The following SLC9B2 variants were observed in gnomAD, a reference collection of about 807,000 sequenced individuals.
The protein encoded by SLC9B2 is sodium/hydrogen exchanger 9B2.
SLC9B2 carries 39 observed loss-of-function variants against 52.2 expected under a neutral mutation model. The observed-to-expected ratio is 0.75, with a 90% CI of 0.58 to 0.98. SLC9B2 has a LOEUF of 0.98. SLC9B2 is among the 50% of genes least tolerant of loss of function. The pLI is 0.00. For missense variants in SLC9B2, 626 were observed against 637.5 expected (o/e 0.98, Z 0.19); for synonymous variants, 214 against 227.0 (o/e 0.94, Z 0.51).
At chr4:103,057,295 T>TACAC (rs1296309566) in intron 4 of SLC9B2, among the ~76,000 whole-genome samples, 6 of 146,014 alleles carry the variant, frequency 4.1e-5, no homozygotes, top group African/African-American at 1.0e-4. Flanking sequence ...CACACATATA[T>TACAC]ACACACACAC....
At chr4:103,072,205 C>T (rs1211656576) in intron 1 of SLC9B2, among the ~76,000 whole-genome samples, 1 of 151,778 alleles carries the variant, frequency 6.6e-6, no homozygotes, top group Non-Finnish European at 1.5e-5. Context: ...ATTAAAGGTG[C>T]CGGCCACCAT....
At chr4:103,077,122 T>C (rs996620275), upstream of SLC9B2, 1 of 152,236 alleles carries the variant, frequency 6.6e-6, no homozygotes, top group Non-Finnish European at 1.5e-5. Flanking sequence ...TCCTCTTGTG[T>C]GTGTTAAGAC....
At chr4:103,045,925 G>A (rs1275974087) in intron 7 of SLC9B2, among the ~76,000 whole-genome samples, 1 of 152,182 alleles carries the variant, frequency 6.6e-6, no homozygotes, top group Non-Finnish European at 1.5e-5. Flanking sequence ...AAAGTGGTAA[G>A]AACATAAATT....
At chr4:103,019,691 T>C, downstream of SLC9B2, 1 of 985,038 alleles carries the variant, frequency 1.0e-6, no homozygotes, top group Non-Finnish European at 1.2e-6. Flanking sequence ...GTGGGCAGGG[T>C]GGTGACGCGA....
chr4:103,021,155 C>T (rs1741766032), downstream of SLC9B2, among the ~76,000 whole-genome samples: 1 of 130,226 alleles, frequency 7.7e-6, no homozygotes, highest in Non-Finnish European at 1.7e-5. Context: ...GAAGGAAGAC[C>T]TTTGCTAGGA....
intron 4 of SLC9B2, among the ~76,000 whole-genome samples, chr4:103,057,299 C>G (rs890727925): frequency 6.7e-6 from 1 of 148,810 alleles, no homozygotes; most frequent in Non-Finnish European, 1.5e-5. Flanking sequence ...CATATATACA[C>G]ACACACACAC....
chr4:103,044,224 T>A (rs2110604120), intron 8 of SLC9B2, among the ~76,000 whole-genome samples: 1 of 152,344 alleles, frequency 6.6e-6, no homozygotes, highest in East Asian at 1.9e-4. Flanking sequence ...AATTTCCTTA[T>A]CAGTAAAATG....
chr4:103,059,788 T>A (rs754930837), intron 3 of SLC9B2, among the ~76,000 whole-genome samples: 1 of 152,208 alleles, frequency 6.6e-6, no homozygotes, highest in Non-Finnish European at 1.5e-5. Context: ...ATTCATGACA[T>A]AGAAACACTC....
In SLC9B2 at chr4:103,026,435, G is replaced by A. The variant is rs747080792; in HGVS notation, c.1549C>T (p.Leu517=). The change falls in exon 12 of 12, where the codon CTG becomes TTG. Residue 517 remains leucine (L), a synonymous_variant. Coordinates refer to ENST00000394785, the MANE Select transcript of SLC9B2 (RefSeq NM_178833.7). The stretch of plus-strand genomic sequence containing the variant: ...TTATTTTGATGTTCAACTTTCTGCA[G>A]AAGCCTGGGGCCCAGTAAACCAATA... ...LLIGLLGPRL[L]QKVEHQNKDE... 1.2e-6 allele frequency: 2 copies of A among 1,613,806 alleles called. No individual in the cohort carries two copies. Among genetic ancestry groups the A allele is most frequent in the South Asian group, 2.2e-5 (2 of 91,034 alleles).
At position 103,024,557 on chromosome 4, in the gene SLC9B2, T is replaced by C. The variant is rs1742043634; in HGVS notation, c.*1813A>G. 6.6e-6 allele frequency among the ~76,000 whole-genome samples: 1 copy of C among 152,166 alleles called. No individual in the cohort carries two copies. Among genetic ancestry groups the C allele is most frequent in the East Asian group, 1.9e-4 (1 of 5,194 alleles). ...AACAGAAGTCTAATGAAGAGAGGAA[T>C]GGACAGGCTTTATTTATGCAGATCA... On this transcript the variant is annotated 3_prime_UTR_variant, in exon 12 of 12. Transcript: ENST00000394785.
At chr4:103,070,626 G>C (rs1236483975) in intron 1 of SLC9B2, among the ~76,000 whole-genome samples, 2 of 152,132 alleles carry the variant, frequency 1.3e-5, no homozygotes, top group African/African-American at 4.8e-5. Context: ...ATTTTTAGTA[G>C]AGATGGGTTT....
chr4:103,076,551 G>C lies in SLC9B2; in HGVS notation c.-410C>G, dbSNP rs1308856384. 6.6e-6 allele frequency: 1 copy of C among 152,198 alleles called. No individual in the cohort carries two copies. Among genetic ancestry groups the C allele is most frequent in the Non-Finnish European group, 1.5e-5 (1 of 68,032 alleles). 9.4% of individuals were successfully genotyped at this position (152,198 alleles called of 1,614,324 possible). On this transcript the variant is annotated 5_prime_UTR_variant, in exon 1 of 12. Coordinates refer to ENST00000394785, the MANE Select transcript of SLC9B2 (RefSeq NM_178833.7). ...GGTGCAGAGCCGCGTGCGATGCCTG[G>C]TGCGCGTGGCTTCCCCCGGAAAGGT... is the stretch of plus-strand genomic sequence containing the variant.
chr4:103,072,398 A>C (rs1746741480), intron 1 of SLC9B2, among the ~76,000 whole-genome samples: 1 of 152,224 alleles, frequency 6.6e-6, no homozygotes, highest in Non-Finnish European at 1.5e-5. Context: ...TCATCAAATG[A>C]AACCTAATCC....
intron 9 of SLC9B2, among the ~76,000 whole-genome samples, chr4:103,040,915 T>G (rs1350986776): frequency 6.6e-6 from 1 of 152,106 alleles, no homozygotes; most frequent in Non-Finnish European, 1.5e-5. Context: ...AAATCAGAAA[T>G]TTGTAGTAGG....
chr4:103,063,676 C>T (rs1016919671), intron 3 of SLC9B2, among the ~76,000 whole-genome samples: 1 of 152,032 alleles, frequency 6.6e-6, no homozygotes, highest in African/African-American at 2.4e-5. Flanking sequence ...ATATAGGCAA[C>T]AAAAGCAAGA....
chr4:103,047,249 A>G (rs1304652569), intron 6 of SLC9B2, 23 bp from the exon 7 acceptor site: 3 of 1,586,480 alleles, frequency 1.9e-6, no homozygotes, highest in South Asian at 2.3e-5. Flanking sequence ...CATTTTAAAC[A>G]TTTATGATAA....
chr4:103,067,597 T>C lies in SLC9B2; in HGVS notation c.-42-5A>G. 7.2e-7 allele frequency: 1 copy of C among 1,390,246 alleles called. No homozygotes were observed. Among genetic ancestry groups the C allele is most frequent in the Non-Finnish European group, 1.0e-6 (1 of 980,076 alleles). The allele number at this position is 1,390,246 out of a possible 1,614,324, so 86.1% of individuals were successfully genotyped here. A position where few individuals can be genotyped will look rare whatever the true frequency, so the allele number is the denominator to read the frequency against. ...CACAGGGAAGAGGAACGAGATCTGT[T>C]TTGAAAGAGTATAGATATAGAGCAG... is the stretch of plus-strand genomic sequence containing the variant. On this transcript the variant is annotated splice_region_variant and splice_polypyrimidine_tract_variant and intron_variant, in intron 1 of 11. Coordinates refer to ENST00000394785, the MANE Select transcript of SLC9B2 (RefSeq NM_178833.7).
intron 3 of SLC9B2, chr4:103,065,620 A>G (rs1474378620): frequency 6.6e-6 from 1 of 152,166 alleles, no homozygotes; most frequent in Non-Finnish European, 1.5e-5. Context: ...GCTTTATCAC[A>G]TATTCCCCCA....
intron 6 of SLC9B2, 136 bp from the exon 7 acceptor site, chr4:103,047,362 C>A (rs1478914806): frequency 5.0e-5 from 38 of 757,096 alleles, no homozygotes; most frequent in Non-Finnish European, 7.2e-5. Context: ...ATTAAGAAAA[C>A]AAACTTTAAT....
Sources: gnomAD v4.1 joint callset for allele counts (sites outside exome capture counted in the v4.1 genomes callset) on GRCh38, gnomAD v4.1.1 for gene constraint, MANE v1.5 for transcripts, NCBI Gene and HGNC (gene_info 2026-07-23, HGNC 2026-07-21) for gene names.